The following IRF2 variants were observed in gnomAD, a reference collection of about 807,000 sequenced individuals.
IRF2 encodes interferon regulatory factor 2.
IRF2 carries 15 observed loss-of-function variants against 40.6 expected under a neutral mutation model. The ratio of observed to expected loss-of-function variants is 0.37; its 90% CI spans 0.25 to 0.57. The LOEUF (loss-of-function observed/expected upper bound fraction) is 0.57. Ranked by LOEUF, IRF2 falls within the 20% of genes least tolerant of loss-of-function variation. IRF2 has a pLI of 0.77. For missense variants in IRF2, 317 were observed against 455.7 expected (o/e 0.70, Z 2.77); for synonymous variants, 151 against 165.5 (o/e 0.91, Z 0.67).
chr4:184,419,340 C>A, intron 3 of IRF2, 129 bp downstream of exon 3: 1 of 699,498 alleles, frequency 1.4e-6, no homozygotes, highest in Non-Finnish European at 2.6e-6. Context: ...CCTGGATGTG[C>A]CTAGGGACAA....
At chr4:184,442,803 T>G (rs2149909794) in intron 1 of IRF2, among the ~76,000 whole-genome samples, 1 of 150,190 alleles carries the variant, frequency 6.7e-6, no homozygotes, top group East Asian at 2.0e-4. Context: ...TTCTCCAACC[T>G]ACTTAAATCT....
intron 4 of IRF2, 134 bp from the exon 5 acceptor site, chr4:184,418,347 G>T (rs1329378769): frequency 4.1e-6 from 4 of 964,080 alleles, no homozygotes; most frequent in Non-Finnish European, 5.0e-6. Context: ...AATTCCACAT[G>T]TATCTTTCAC....
At chr4:184,419,434 C>G in intron 3 of IRF2, 35 bp downstream of exon 3, 1 of 1,349,526 alleles carries the variant, frequency 7.4e-7, no homozygotes, top group Non-Finnish European at 1.1e-6. Context: ...AGCAAGAGTG[C>G]CTTCCTCTAT....
chr4:184,422,275 C>A (rs563044433), intron 2 of IRF2, among the ~76,000 whole-genome samples: 12 of 152,256 alleles, frequency 7.9e-5, no homozygotes, highest in Admixed American at 6.5e-5. Flanking sequence ...AAAAAAGATA[C>A]ACAAATAACA....
intron 5 of IRF2, among the ~76,000 whole-genome samples, chr4:184,409,356 G>A (rs574311656): frequency 6.6e-6 from 1 of 152,202 alleles, no homozygotes; most frequent in Admixed American, 6.5e-5. Flanking sequence ...GGAAGGAGGG[G>A]AAATAACCTC....
At chr4:184,464,695 C>A (rs116077410) in intron 1 of IRF2, among the ~76,000 whole-genome samples, 137 of 152,214 alleles carry the variant, frequency 9.0e-4, no homozygotes, top group African/African-American at 3.1e-3. Context: ...AGACGTATCT[C>A]CCTAGGCATG....
intron 1 of IRF2, among the ~76,000 whole-genome samples, chr4:184,466,263 C>A (rs143266868): frequency 0.017 from 2,557 of 152,158 alleles, 40 homozygotes; most frequent in Middle Eastern, 0.058. Context: ...GTTGGCCAGG[C>A]TGATCTTGAA....
chr4:184,453,856 C>T (rs1454580143), intron 1 of IRF2, among the ~76,000 whole-genome samples: 1 of 152,116 alleles, frequency 6.6e-6, no homozygotes, highest in Non-Finnish European at 1.5e-5. Context: ...TGTTTTGCCC[C>T]TTCAGGAACA....
chr4:184,451,005 G>C, intron 1 of IRF2, among the ~76,000 whole-genome samples: 1 of 152,162 alleles, frequency 6.6e-6, no homozygotes, highest in East Asian at 1.9e-4. Context: ...TGCAAAAACA[G>C]ACACAGGAAT....
chr4:184,420,124 T>A (rs1315471076), intron 2 of IRF2, among the ~76,000 whole-genome samples: 1 of 152,222 alleles, frequency 6.6e-6, no homozygotes, highest in Admixed American at 6.5e-5. Flanking sequence ...CACCTCAGGC[T>A]TCCAAACTGC....
intron 1 of IRF2, among the ~76,000 whole-genome samples, chr4:184,467,238 C>T (rs912936787): frequency 6.6e-6 from 1 of 152,222 alleles, no homozygotes; most frequent in Non-Finnish European, 1.5e-5. Context: ...CACCTCACCC[C>T]TCCGATCTCT....
At chr4:184,447,932 G>A (rs793783) in intron 1 of IRF2, among the ~76,000 whole-genome samples, 7 of 152,040 alleles carry the variant, frequency 4.6e-5, no homozygotes, top group Non-Finnish European at 7.4e-5. Flanking sequence ...CAGGGTCTGC[G>A]GGTGGGAGGC....
chr4:184,406,245 T>C (rs1736850266), intron 6 of IRF2, among the ~76,000 whole-genome samples: 1 of 151,452 alleles, frequency 6.6e-6, no homozygotes, highest in Admixed American at 6.6e-5. Flanking sequence ...TTTTTTTTTT[T>C]TTTTGAGGCA....
chr4:184,443,924 A>C (rs1738406564), intron 1 of IRF2, among the ~76,000 whole-genome samples: 1 of 152,202 alleles, frequency 6.6e-6, no homozygotes, highest in Non-Finnish European at 1.5e-5. Context: ...TCTGACCCTT[A>C]GCTTATTAAT....
intron 1 of IRF2, among the ~76,000 whole-genome samples, chr4:184,446,928 C>A (rs1487620212): frequency 1.3e-5 from 2 of 152,008 alleles, no homozygotes; most frequent in South Asian, 4.1e-4. Context: ...TGCACTCCAG[C>A]CTGGGCGACA....
At chr4:184,411,794 T>G (rs527281768) in intron 5 of IRF2, among the ~76,000 whole-genome samples, 3 of 152,088 alleles carry the variant, frequency 2.0e-5, no homozygotes, top group Admixed American at 2.0e-4. Flanking sequence ...CTGAACACTC[T>G]TCGCCCGAAG....
intron 1 of IRF2, among the ~76,000 whole-genome samples, chr4:184,471,312 A>T (rs898938713): frequency 2.0e-5 from 3 of 152,180 alleles, no homozygotes; most frequent in African/African-American, 7.2e-5. Flanking sequence ...TTTTGTTGTT[A>T]ATGGTCAGCT....
intron 8 of IRF2, 62 bp downstream of exon 8, chr4:184,390,641 C>G: frequency 6.5e-7 from 1 of 1,527,656 alleles, no homozygotes; most frequent in Non-Finnish European, 9.1e-7. Flanking sequence ...GCAAGGAAAG[C>G]CCGGAGCTGG....
intron 2 of IRF2, among the ~76,000 whole-genome samples, chr4:184,421,938 C>T (rs538434979): frequency 2.6e-5 from 4 of 152,210 alleles, no homozygotes; most frequent in South Asian, 4.2e-4. Flanking sequence ...GTCTGGTGGA[C>T]GGTGTTTGGG....
Sources: allele counts gnomAD v4.1 joint callset (sites outside exome capture counted in the v4.1 genomes callset), GRCh38; gene constraint gnomAD v4.1.1; transcripts MANE v1.5; gene names NCBI Gene and HGNC (gene_info 2026-07-23, HGNC 2026-07-21).